Variants in CACNA2D3 observed in about 807,000 individuals in gnomAD.
CACNA2D3 encodes the protein calcium voltage-gated channel auxiliary subunit alpha2delta 3.
Under a neutral mutation model 160.6 loss-of-function variants are expected in CACNA2D3, and 60 were observed. The observed-to-expected ratio is 0.37, with a 90% CI of 0.30 to 0.46. CACNA2D3 has a LOEUF of 0.46. Ranked by LOEUF, CACNA2D3 falls within the 20% of genes least tolerant of loss-of-function variation. The pLI is 1.00. For missense variants in CACNA2D3, 1,205 were observed against 1,365.0 expected, an observed-to-expected ratio of 0.88 and a Z score of 1.85; for synonymous variants, 558 against 492.9, an observed-to-expected ratio of 1.13 and a Z score of -1.75.
At chr3:54,500,458 C>T (rs1701269536) in intron 4 of CACNA2D3, among the ~76,000 whole-genome samples, 1 of 140,790 alleles carries the variant, frequency 7.1e-6, no homozygotes, top group Non-Finnish European at 1.5e-5. Flanking sequence ...TATTCACTAC[C>T]CCAGGTCCGT....
At chr3:54,344,528 T>C (rs1163291276) in intron 3 of CACNA2D3, among the ~76,000 whole-genome samples, 1 of 152,222 alleles carries the variant, frequency 6.6e-6, no homozygotes, top group Non-Finnish European at 1.5e-5. Flanking sequence ...CTGCCTCATA[T>C]GCCATCTAAC....
intron 9 of CACNA2D3, among the ~76,000 whole-genome samples, chr3:54,595,197 A>C (rs1702929308): frequency 6.6e-6 from 1 of 152,190 alleles, no homozygotes; most frequent in South Asian, 2.1e-4. Flanking sequence ...GTGAAGACTA[A>C]TACAATAGTT....
intron 5 of CACNA2D3, among the ~76,000 whole-genome samples, chr3:54,547,851 G>A (rs750778186): frequency 6.6e-6 from 1 of 151,712 alleles, no homozygotes; most frequent in Non-Finnish European, 1.5e-5. Context: ...CAGCCAGCTA[G>A]TTTTCTAAAC....
At chr3:54,160,578 A>C (rs554695469) in intron 2 of CACNA2D3, among the ~76,000 whole-genome samples, 2 of 152,348 alleles carry the variant, frequency 1.3e-5, no homozygotes, top group Admixed American at 1.3e-4. Flanking sequence ...AGAATGGGTG[A>C]TGGAAGTTTG....
At chr3:55,055,283 C>T (rs981544141) in intron 35 of CACNA2D3, among the ~76,000 whole-genome samples, 6 of 152,002 alleles carry the variant, frequency 3.9e-5, no homozygotes, top group African/African-American at 1.4e-4. Flanking sequence ...AGTGGATATC[C>T]AGTTGTCCCA....
At chr3:54,869,726 T>C (rs1392183977) in intron 17 of CACNA2D3, among the ~76,000 whole-genome samples, 2 of 152,114 alleles carry the variant, frequency 1.3e-5, no homozygotes, top group East Asian at 3.9e-4. Flanking sequence ...TGCCCCGCAC[T>C]CCTCCACACT....
chr3:54,278,248 A>G (rs1051715047), intron 2 of CACNA2D3, among the ~76,000 whole-genome samples: 1 of 152,274 alleles, frequency 6.6e-6, no homozygotes, highest in African/African-American at 2.4e-5. Context: ...AAAGCTCATC[A>G]TCACTGGTCA....
intron 11 of CACNA2D3, among the ~76,000 whole-genome samples, chr3:54,674,823 T>C (rs1486483295): frequency 2.6e-5 from 4 of 152,182 alleles, no homozygotes; most frequent in Non-Finnish European, 5.9e-5. Context: ...TTGTAGGGAA[T>C]GCAGTATTGA....
chr3:54,619,285 TCC>T (rs1698930307), intron 9 of CACNA2D3, among the ~76,000 whole-genome samples: 1 of 152,178 alleles, frequency 6.6e-6, no homozygotes, highest in South Asian at 2.1e-4. Flanking sequence ...ATCATGTCCC[TCC>T]CCCTCAGCAG....
chr3:54,633,406 T>C (rs1449408300), intron 10 of CACNA2D3, among the ~76,000 whole-genome samples: 2 of 152,200 alleles, frequency 1.3e-5, no homozygotes, highest in African/African-American at 4.8e-5. Context: ...TGGAAGACTT[T>C]TCCTTAGCTC....
intron 27 of CACNA2D3, among the ~76,000 whole-genome samples, chr3:54,966,079 G>A (rs1245371968): frequency 6.6e-6 from 1 of 152,104 alleles, no homozygotes; most frequent in African/African-American, 2.4e-5. Context: ...CACCCAGCGG[G>A]GAGCAGCTGG....
chr3:54,312,536 A>G (rs1471554063), intron 2 of CACNA2D3, among the ~76,000 whole-genome samples: 1 of 152,192 alleles, frequency 6.6e-6, no homozygotes, highest in Non-Finnish European at 1.5e-5. Flanking sequence ...ATTCTCACAT[A>G]GGAAAAAAAC....
intron 9 of CACNA2D3, among the ~76,000 whole-genome samples, chr3:54,620,803 T>C (rs962783968): frequency 3.9e-5 from 6 of 152,222 alleles, no homozygotes; most frequent in Admixed American, 1.3e-4. Flanking sequence ...CTCTGCTGTC[T>C]TGACCTTTCT....
intron 27 of CACNA2D3, among the ~76,000 whole-genome samples, chr3:54,939,705 C>T (rs1701414837): frequency 6.6e-6 from 1 of 152,188 alleles, no homozygotes; most frequent in African/African-American, 2.4e-5. Context: ...ATTCAGAAGC[C>T]GCCCCTGCAG....
chr3:54,305,125 C>G (rs922962286), intron 2 of CACNA2D3, among the ~76,000 whole-genome samples: 16 of 152,262 alleles, frequency 1.1e-4, no homozygotes, highest in Non-Finnish European at 1.9e-4. Flanking sequence ...TGAACATAAA[C>G]GTGAGTCAGT....
intron 29 of CACNA2D3, among the ~76,000 whole-genome samples, chr3:54,977,327 A>G (rs1702412790): frequency 2.0e-5 from 3 of 152,134 alleles, no homozygotes; most frequent in Admixed American, 2.0e-4. Context: ...GACAGATTCT[A>G]ATGTGCCAAT....
chr3:54,424,527 G>C (rs566138386), intron 4 of CACNA2D3, among the ~76,000 whole-genome samples: 1 of 152,276 alleles, frequency 6.6e-6, no homozygotes, highest in Admixed American at 6.5e-5. Flanking sequence ...CTGAAGGAAG[G>C]CTTTACTACA....
rs573665420 is a variant in CACNA2D3, at chr3:54,499,773, A to G, written c.382-3719A>G. 2.6e-5 allele frequency among the ~76,000 whole-genome samples: 4 copies of G among 152,060 alleles called. No individual in the cohort carries two copies. The East Asian group carries it at 7.7e-4, about 29-fold the overall frequency. ...ACACCGTATGATTTCCATTCTTTTA[A>G]GTTTGTGAAGATGTGTTTTAGGGCC... is the stretch of plus-strand genomic sequence containing the variant. On this transcript the variant is annotated intron_variant, in intron 4 of 37. Transcript: ENST00000474759.
chr3:54,204,148 G>A (rs773806854), intron 2 of CACNA2D3, among the ~76,000 whole-genome samples: 3 of 151,748 alleles, frequency 2.0e-5, no homozygotes, highest in Non-Finnish European at 4.4e-5. Flanking sequence ...TCTGATTCTC[G>A]GGTCTCCAGA....
Sources: allele counts gnomAD v4.1 joint callset (sites outside exome capture counted in the v4.1 genomes callset), GRCh38; gene constraint gnomAD v4.1.1; transcripts MANE v1.5; gene names NCBI Gene and HGNC (gene_info 2026-07-23, HGNC 2026-07-21).